Variants in LRP1B observed in about 807,000 individuals in gnomAD.
LRP1B encodes the protein low-density lipoprotein receptor-related protein 1B.
A neutral mutation model predicts 556.6 loss-of-function variants in LRP1B; 217 were observed. That is an observed-to-expected ratio of 0.39 (90% CI 0.35 to 0.44). The LOEUF is 0.44. Among genes scored for constraint, LRP1B ranks in the 20% least tolerant of loss-of-function variants. The probability of loss-of-function intolerance (pLI) is 1.00; values close to 1 mark genes in which losing one functional copy is unlikely to be tolerated. For missense variants in LRP1B, 5,053 were observed against 5,620.8 expected (o/e 0.90, Z 3.23); for synonymous variants, 2,047 against 1,865.8 (o/e 1.10, Z -2.50).
chr2:141,827,548 CAG>C (rs1236506569), intron 1 of LRP1B, among the ~76,000 whole-genome samples: 1 of 152,070 alleles, frequency 6.6e-6, no homozygotes, highest in African/African-American at 2.4e-5. Flanking sequence ...ATGAGGAATC[CAG>C]AGAGTTGACA....
chr2:141,032,096 T>C (rs1050106456), intron 11 of LRP1B, among the ~76,000 whole-genome samples: 3 of 151,970 alleles, frequency 2.0e-5, no homozygotes, highest in Non-Finnish European at 2.9e-5. Context: ...CTATAAACAG[T>C]TTATTGATCC....
chr2:140,702,822 T>C (rs1686697084), intron 37 of LRP1B, among the ~76,000 whole-genome samples: 1 of 152,094 alleles, frequency 6.6e-6, no homozygotes, highest in Admixed American at 6.6e-5. Context: ...CAAATGCTCT[T>C]CTCCAATCTG....
intron 1 of LRP1B, among the ~76,000 whole-genome samples, chr2:141,893,937 T>C (rs978926935): frequency 6.6e-5 from 10 of 152,172 alleles, no homozygotes; most frequent in Non-Finnish European, 2.9e-5. Context: ...TTCTTTTCTT[T>C]TCTTTCTCTC....
chr2:141,720,827 C>A (rs1692783925), intron 2 of LRP1B, among the ~76,000 whole-genome samples: 2 of 152,090 alleles, frequency 1.3e-5, no homozygotes, highest in Admixed American at 1.3e-4. Flanking sequence ...ACAAACAATC[C>A]TTTCCCACTA....
At chr2:141,691,122 A>G (rs1303540411) in intron 2 of LRP1B, among the ~76,000 whole-genome samples, 1 of 151,902 alleles carries the variant, frequency 6.6e-6, no homozygotes, top group African/African-American at 2.4e-5. Flanking sequence ...TGAGTTAGTA[A>G]TTACTGTAAG....
At chr2:141,240,087 G>C (rs1209990966) in intron 5 of LRP1B, among the ~76,000 whole-genome samples, 1 of 152,058 alleles carries the variant, frequency 6.6e-6, no homozygotes, top group East Asian at 1.9e-4. Flanking sequence ...CATCGACAGA[G>C]GCTGTGTGAG....
Position 141,646,445 on chromosome 2 carries a change from T to C in LRP1B, c.205+163834A>G, listed in dbSNP as rs150925018. ...TCTGCAAATGCTCATTGAGGGCCTG[T>C]GATACACAGTGCTGTGCTATGTGAT... On this transcript the variant is annotated intron_variant, in intron 2 of 90. Coordinates refer to ENST00000389484, the MANE Select transcript of LRP1B (RefSeq NM_018557.3). Among the ~76,000 whole-genome samples, 1,142 of 152,244 alleles carry C rather than the reference T, an allele frequency of 7.5e-3. 16 individuals are homozygous for C. The highest frequency in any genetic ancestry group is 0.026 in the African/African-American group (1,086 of 41,550).
intron 2 of LRP1B, among the ~76,000 whole-genome samples, chr2:141,636,626 G>C (rs1435085492): frequency 6.6e-6 from 1 of 152,044 alleles, no homozygotes; most frequent in Non-Finnish European, 1.5e-5. Context: ...AACATATGCT[G>C]ACAAGGATGC....
chr2:141,341,448 G>A (rs1251141095), intron 3 of LRP1B, among the ~76,000 whole-genome samples: 1 of 151,836 alleles, frequency 6.6e-6, no homozygotes, highest in Non-Finnish European at 1.5e-5. Flanking sequence ...AGATCTAAAT[G>A]TCTTCTCTCC....
At position 140,598,715 on chromosome 2, in the gene LRP1B, G is replaced by A. The variant is rs769581627; in HGVS notation, c.7110C>T (p.Ile2370=). The A allele has an allele frequency of 1.2e-5, 20 of 1,613,486 alleles. No homozygotes were observed. Among genetic ancestry groups the A allele is most frequent in the African/African-American group, 9.3e-5 (7 of 74,874 alleles). ...TDILTPNGLT[I]DYRAEKLYFS... ...AATACAGCTTCTCTGCACGGTAGTC[G>A]ATAGTAAGTCCATTTGGAGTGAGTA... The change falls in exon 43 of 91, where the codon ATC becomes ATT. Residue 2370 remains isoleucine (I), a synonymous_variant. Transcript: ENST00000389484.
At chr2:141,996,250 T>C (rs1307540122) in intron 1 of LRP1B, among the ~76,000 whole-genome samples, 2 of 151,188 alleles carry the variant, frequency 1.3e-5, no homozygotes, top group Non-Finnish European at 2.9e-5. Flanking sequence ...ATTGTTACTT[T>C]AAAATAGCTT....
At chr2:141,612,695 C>T (rs1688148344) in intron 2 of LRP1B, among the ~76,000 whole-genome samples, 1 of 152,116 alleles carries the variant, frequency 6.6e-6, no homozygotes, top group African/African-American at 2.4e-5. Flanking sequence ...ATGCCATAGG[C>T]AACCACTGGA....
chr2:142,035,314 T>C (rs1703840527), intron 1 of LRP1B, among the ~76,000 whole-genome samples: 1 of 151,648 alleles, frequency 6.6e-6, no homozygotes. Flanking sequence ...CTCCAGCTAT[T>C]TGAAGAAATT....
intron 47 of LRP1B, among the ~76,000 whole-genome samples, chr2:140,533,787 G>A (rs1690824922): frequency 6.6e-6 from 1 of 152,060 alleles, no homozygotes; most frequent in South Asian, 2.1e-4. Flanking sequence ...GAACTGAAGA[G>A]GCGAGAAATT....
chr2:140,794,185 G>A (rs551971284), intron 32 of LRP1B, among the ~76,000 whole-genome samples: 4 of 152,110 alleles, frequency 2.6e-5, no homozygotes, highest in African/African-American at 7.2e-5. Context: ...TTTAAAGATA[G>A]GGCAGTAAAT....
chr2:141,316,856 C>A (rs1160951598), intron 3 of LRP1B, among the ~76,000 whole-genome samples: 1 of 152,200 alleles, frequency 6.6e-6, no homozygotes, highest in Non-Finnish European at 1.5e-5. Flanking sequence ...TCATTGCATT[C>A]CTAGGAAAAC....
intron 3 of LRP1B, among the ~76,000 whole-genome samples, chr2:141,434,280 CT>C: frequency 6.6e-6 from 1 of 152,162 alleles, no homozygotes; most frequent in South Asian, 2.1e-4. Context: ...TTCATTTTAA[CT>C]TTTTTCCTCT....
chr2:140,860,690 A>G (rs1692760878), intron 27 of LRP1B, among the ~76,000 whole-genome samples: 1 of 152,066 alleles, frequency 6.6e-6, no homozygotes, highest in South Asian at 2.1e-4. Flanking sequence ...AATTCCAATT[A>G]GAGCAGCTAA....
intron 49 of LRP1B, among the ~76,000 whole-genome samples, chr2:140,520,464 G>C (rs1226578289): frequency 3.3e-5 from 5 of 152,002 alleles, no homozygotes; most frequent in Non-Finnish European, 5.9e-5. Context: ...TTGGGGTTGG[G>C]GGATGAGGGA....
Sources: allele counts gnomAD v4.1 joint callset (sites outside exome capture counted in the v4.1 genomes callset), GRCh38; gene constraint gnomAD v4.1.1; transcripts MANE v1.5; gene names NCBI Gene and HGNC (gene_info 2026-07-23, HGNC 2026-07-21).